FOXN3: variants seen among roughly 807,000 people sequenced by gnomAD.
The protein encoded by FOXN3 is forkhead box N3, also known as forkhead box protein N3.
FOXN3 carries 7 observed loss-of-function variants against 38.4 expected under a neutral mutation model. The observed-to-expected ratio is 0.18, with a 90% CI of 0.10 to 0.34. The LOEUF is 0.34. FOXN3 is among the 10% of genes least tolerant of loss of function. FOXN3 has a pLI of 1.00. For missense variants in FOXN3, 456 were observed against 613.4 expected (o/e 0.74, Z 2.71); for synonymous variants, 230 against 242.2 (o/e 0.95, Z 0.47).
chr14:89,426,866 A>G (rs1485158216), intron 1 of FOXN3, among the ~76,000 whole-genome samples: 1 of 152,102 alleles, frequency 6.6e-6, no homozygotes, highest in Non-Finnish European at 1.5e-5. Flanking sequence ...CTTCTTAGAG[A>G]ACCTCTCAGG....
chr14:89,207,079 C>T (rs1888404569), intron 4 of FOXN3, among the ~76,000 whole-genome samples: 1 of 151,988 alleles, frequency 6.6e-6, no homozygotes, highest in South Asian at 2.1e-4. Flanking sequence ...GGAAGGAGAA[C>T]TCATGGTAGC....
chr14:89,174,056 C>T (rs546829717), intron 5 of FOXN3, among the ~76,000 whole-genome samples: 9 of 152,062 alleles, frequency 5.9e-5, no homozygotes, highest in African/African-American at 9.6e-5. Context: ...ATGAACACTA[C>T]GAAGAATGAT....
At chr14:89,404,237 C>T (rs922175396) in intron 2 of FOXN3, among the ~76,000 whole-genome samples, 5 of 151,964 alleles carry the variant, frequency 3.3e-5, no homozygotes, top group Admixed American at 6.6e-5. Flanking sequence ...GGGCTGCGCA[C>T]GGTGGCTCAC....
chr14:89,350,644 C>G, intron 3 of FOXN3, 28 bp downstream of exon 3: 2 of 1,481,172 alleles, frequency 1.4e-6, no homozygotes, highest in Non-Finnish European at 1.8e-6. Context: ...TTTCAGTAGA[C>G]CAAAAAAAAG....
rs187970700 is a variant in FOXN3, at chr14:89,484,586, G to A, written c.-14-72096C>T. On this transcript the variant is annotated intron_variant, in intron 1 of 6. Coordinates refer to the FOXN3 transcript ENST00000345097. The surrounding 1 kb of genome is among the most constrained non-coding windows in gnomAD (Gnocchi z 4.0). ...GCAGGCAGTATTTGGCCCCTGGGCC[G>A]ACTGTGGTTTACCAACCCCTGGCCT... Among the ~76,000 whole-genome samples the A allele has an allele frequency of 1.2e-4, 19 of 152,372 alleles. No individual in the cohort carries two copies. The highest frequency in any genetic ancestry group is 7.7e-4 in the East Asian group (4 of 5,192).
chr14:89,403,738 CAG>C (rs377035933), intron 2 of FOXN3, among the ~76,000 whole-genome samples: 42 of 152,290 alleles, frequency 2.8e-4, no homozygotes, highest in Middle Eastern at 3.4e-3. Context: ...CAATAGGAAA[CAG>C]GGGGAGATAC....
At chr14:89,464,989 C>T (rs1019506819) in intron 1 of FOXN3, among the ~76,000 whole-genome samples, 1 of 152,078 alleles carries the variant, frequency 6.6e-6, no homozygotes, top group Non-Finnish European at 1.5e-5. Flanking sequence ...AGCCACCGCA[C>T]CTGACTTCCA....
chr14:89,377,304 G>A (rs1351277122), intron 2 of FOXN3, among the ~76,000 whole-genome samples: 1 of 139,822 alleles, frequency 7.2e-6, no homozygotes, highest in Non-Finnish European at 1.5e-5. Context: ...TTCACTGGAT[G>A]CTGGTAAAAA....
chr14:89,342,839 T>G (rs1182226034), intron 3 of FOXN3, among the ~76,000 whole-genome samples: 1 of 152,230 alleles, frequency 6.6e-6, no homozygotes, highest in Non-Finnish European at 1.5e-5. Context: ...GCCTCACGCT[T>G]TTAAATTAAA....
At chr14:89,320,997 T>TA (rs1481631804) in intron 3 of FOXN3, among the ~76,000 whole-genome samples, 3 of 152,096 alleles carry the variant, frequency 2.0e-5, no homozygotes, top group East Asian at 1.9e-4. Context: ...TTTGAAATTT[T>TA]AAAAAATTGG....
Position 89,162,277 on chromosome 14 carries a change from G to A in FOXN3, c.*137C>T. ...GGGGCAAATTAAAACAAAATAAAAG[G>A]AAAAGAAAAGAAAGAAAACCAAACC... On this transcript the variant is annotated 3_prime_UTR_variant, in exon 6 of 6. Transcript: ENST00000557258. This position sits in a 1 kb window ranked among gnomAD's most constrained non-coding sequence, Gnocchi z 7.2. 1.4e-6 allele frequency: 1 copy of A among 703,866 alleles called. No homozygotes were observed. The highest frequency in any genetic ancestry group is 2.2e-6 in the Non-Finnish European group (1 of 454,198). 43.6% of individuals were successfully genotyped at this position (703,866 alleles called of 1,614,324 possible).
intron 1 of FOXN3, among the ~76,000 whole-genome samples, chr14:89,545,546 T>C (rs1054476767): frequency 6.6e-6 from 1 of 152,158 alleles, no homozygotes; most frequent in Non-Finnish European, 1.5e-5. Flanking sequence ...ATTACACCGT[T>C]AGTCAGTTTC....
intron 1 of FOXN3, among the ~76,000 whole-genome samples, chr14:89,594,859 G>A (rs1030393257): frequency 4.6e-5 from 7 of 151,930 alleles, no homozygotes; most frequent in Non-Finnish European, 1.0e-4. Flanking sequence ...GCAACAAAGT[G>A]AGACTCTGTG....
chr14:89,209,680 G>A (rs1270131560), intron 4 of FOXN3, among the ~76,000 whole-genome samples: 1 of 152,202 alleles, frequency 6.6e-6, no homozygotes, highest in Non-Finnish European at 1.5e-5. Context: ...CCACTATTCA[G>A]AGATGGCCAA....
intron 1 of FOXN3, among the ~76,000 whole-genome samples, chr14:89,448,047 C>T (rs1892543606): frequency 6.6e-6 from 1 of 151,892 alleles, no homozygotes; most frequent in Non-Finnish European, 1.5e-5. Flanking sequence ...CTCCTGACCT[C>T]GTGATCCGCC....
intron 1 of FOXN3, among the ~76,000 whole-genome samples, chr14:89,516,589 T>C (rs1045906937): frequency 7.9e-6 from 1 of 127,312 alleles, no homozygotes; most frequent in African/African-American, 2.9e-5. Context: ...TGAGACAGGG[T>C]CTCACTCTGT....
chr14:89,331,750 G>T (rs563234548), intron 3 of FOXN3, among the ~76,000 whole-genome samples: 28 of 152,266 alleles, frequency 1.8e-4, no homozygotes, highest in African/African-American at 5.1e-4. Context: ...TGAAACAAAG[G>T]TTTCACAAAA....
intron 4 of FOXN3, among the ~76,000 whole-genome samples, chr14:89,243,341 C>G (rs1307739589): frequency 6.6e-6 from 1 of 152,202 alleles, no homozygotes; most frequent in Non-Finnish European, 1.5e-5. Context: ...CAGATCTTTA[C>G]AACATGAGTT....
chr14:89,252,117 G>A (rs538273535), intron 4 of FOXN3, among the ~76,000 whole-genome samples: 1 of 152,260 alleles, frequency 6.6e-6, no homozygotes, highest in East Asian at 1.9e-4. Flanking sequence ...ACCCTACAAA[G>A]TAGTGATTCT....
Sources: allele counts gnomAD v4.1 joint callset (sites outside exome capture counted in the v4.1 genomes callset), GRCh38; gene constraint gnomAD v4.1.1; non-coding constraint Gnocchi (gnomAD v3.1); transcripts MANE v1.5; gene names NCBI Gene and HGNC (gene_info 2026-07-23, HGNC 2026-07-21).